MICAL2: variants seen among roughly 807,000 people sequenced by gnomAD.
MICAL2 encodes [F-actin]-monooxygenase MICAL2.
MICAL2 carries 77 observed loss-of-function variants against 127.3 expected under a neutral mutation model. The observed-to-expected ratio is 0.60, with a 90% CI of 0.50 to 0.73. MICAL2 has a LOEUF of 0.73. Among genes scored for constraint, MICAL2 ranks in the 30% least tolerant of loss-of-function variants. The probability of loss-of-function intolerance (pLI) is 0.00; values close to 1 mark genes in which losing one functional copy is unlikely to be tolerated. For missense variants in MICAL2, 1,351 were observed against 1,434.4 expected (o/e 0.94, Z 0.94); for synonymous variants, 570 against 551.1 (o/e 1.03, Z -0.48).
At chr11:12,282,877 T>C (rs1368476209) in intron 2 of MICAL2, among the ~76,000 whole-genome samples, 4 of 152,144 alleles carry the variant, frequency 2.6e-5, no homozygotes, top group African/African-American at 7.2e-5. Flanking sequence ...TGCTGGAAGG[T>C]GAGGGCATGA....
At chr11:12,285,777 G>T (rs113822065) in intron 2 of MICAL2, among the ~76,000 whole-genome samples, 244 of 152,318 alleles carry the variant, frequency 1.6e-3, no homozygotes, top group African/African-American at 5.7e-3. Context: ...GGAATATCTA[G>T]GACTGTTTCT....
chr11:12,167,966 CT>C (rs1284879179), intron 3 of MICAL2, among the ~76,000 whole-genome samples: 11 of 152,082 alleles, frequency 7.2e-5, no homozygotes, highest in Non-Finnish European at 1.6e-4. Flanking sequence ...ACTGAGTTCA[CT>C]TTATAAATAT....
At chr11:12,252,196 C>T (rs1468031282) in intron 22 of MICAL2, among the ~76,000 whole-genome samples, 2 of 152,348 alleles carry the variant, frequency 1.3e-5, no homozygotes, top group Non-Finnish European at 2.9e-5. Context: ...ATCAGGCAAA[C>T]AATGGCTTAT....
At chr11:12,214,896 A>G (rs1361647685) in intron 7 of MICAL2, among the ~76,000 whole-genome samples, 1 of 152,190 alleles carries the variant, frequency 6.6e-6, no homozygotes, top group East Asian at 1.9e-4. Flanking sequence ...TGTTACAGAT[A>G]ACACTGCTTC....
At chr11:12,327,175 C>T (rs1481673519) in exon 32 of MICAL2, 1 of 1,551,678 alleles carries the variant, frequency 6.4e-7, no homozygotes, top group Non-Finnish European at 8.7e-7. Flanking sequence ...TGTTGCAGGC[C>T]ATCCAGAGGC....
Position 12,177,730 on chromosome 11 carries a change from CT to C in MICAL2, c.264+15314del, listed in dbSNP as rs141258179. ...CTGATTAATTTTTAAGAGTCTTATG[CT>C]TTATTTTTCTTTTCTGTAGTACATA... is the stretch of plus-strand genomic sequence containing the variant. On this transcript the variant is annotated intron_variant, in intron 3 of 27. Coordinates refer to ENST00000683283, the MANE Select transcript of MICAL2 (RefSeq NM_001282663.2). Among the ~76,000 whole-genome samples the C allele has an allele frequency of 8.6e-3, 1,303 of 152,202 alleles. 12 individuals are homozygous for C. Among genetic ancestry groups the C allele is most frequent in the Non-Finnish European group, 0.011 (741 of 67,994 alleles).
At chr11:12,208,353 A>C (rs1854993756) in intron 5 of MICAL2, 2 of 484,322 alleles carry the variant, frequency 4.1e-6, no homozygotes, top group Admixed American at 7.1e-5. Context: ...TAAGCCATTA[A>C]ACCTGTAATT....
intron 33 of MICAL2, among the ~76,000 whole-genome samples, chr11:12,352,243 T>C (rs555492798): frequency 4.6e-5 from 7 of 152,344 alleles, no homozygotes; most frequent in African/African-American, 1.4e-4. Flanking sequence ...AAAATTATTT[T>C]AAAAGTGTAA....
At chr11:12,316,544 GTT>G (rs919243690) in intron 29 of MICAL2, among the ~76,000 whole-genome samples, 2 of 151,312 alleles carry the variant, frequency 1.3e-5, no homozygotes, top group African/African-American at 4.9e-5. Context: ...TATTATAATA[GTT>G]TTTTTTGGTG....
chr11:12,195,425 T>C (rs1859766877), intron 3 of MICAL2, among the ~76,000 whole-genome samples: 1 of 152,200 alleles, frequency 6.6e-6, no homozygotes, highest in African/African-American at 2.4e-5. Flanking sequence ...CGGATGTGAA[T>C]AGATACATGC....
At chr11:12,262,054 T>C (rs1260480053) in intron 26 of MICAL2, 26 of 1,069,464 alleles carry the variant, frequency 2.4e-5, no homozygotes, top group Non-Finnish European at 3.0e-5. Flanking sequence ...TTTGAATTAC[T>C]GTGGCGAGAC....
chr11:12,277,448 C>A (rs929615892), intron 1 of MICAL2, among the ~76,000 whole-genome samples: 1 of 152,166 alleles, frequency 6.6e-6, no homozygotes, highest in Non-Finnish European at 1.5e-5. Flanking sequence ...GGAATAATTG[C>A]AACCATCTTT....
At chr11:12,183,003 T>G (rs1272892832) in intron 3 of MICAL2, among the ~76,000 whole-genome samples, 1 of 152,184 alleles carries the variant, frequency 6.6e-6, no homozygotes, top group Non-Finnish European at 1.5e-5. Context: ...ACTGCTTCTC[T>G]ATCTGCTGTT....
At chr11:12,180,970 C>G (rs7130953) in intron 3 of MICAL2, among the ~76,000 whole-genome samples, 85,592 of 129,140 alleles carry the variant, frequency 0.66, 26,489 homozygotes, top group South Asian at 0.75. Flanking sequence ...CTCTTTTGCT[C>G]AGGCTGGAGT....
rs35518829 is a variant in MICAL2, at chr11:12,259,891, C to T, written c.3328C>T (p.Pro1110Ser). The change falls in exon 26 of 28, where the codon CCC becomes TCC. Residue 1110 changes from proline to serine, a missense_variant. By Grantham distance (74) the Pro-to-Ser change is moderately conservative (BLOSUM62 -1). Coordinates refer to ENST00000683283, the MANE Select transcript of MICAL2 (RefSeq NM_001282663.2). ...VAAIGTLEGS[P>S]PVHFSLPVLH... ...CGCCATTGGCACCCTGGAAGGCAGCCCCCCAGGTATCTCCACCTCCTTCTT... is the reference window on the plus strand; with the variant it reads ...CGCCATTGGCACCCTGGAAGGCAGCTCCCCAGGTATCTCCACCTCCTTCTT... The T allele has an allele frequency of 1.1e-3, 1,848 of 1,612,852 alleles. 20 individuals are homozygous for T. In the African/African-American group the frequency reaches 0.021, roughly 18 times the overall value.
intron 25 of MICAL2, 135 bp from the exon 26 acceptor site, chr11:12,259,660 A>C (rs1475855385): frequency 4.0e-6 from 3 of 743,566 alleles, no homozygotes; most frequent in Non-Finnish European, 6.1e-6. Context: ...CTTCAGCATG[A>C]GTCGGGGGGC....
rs755445166 is a variant in MICAL2, at chr11:12,222,698, G to A, written c.1404G>A (p.Gly468=). 2.5e-6 allele frequency: 4 copies of A among 1,614,198 alleles called. No individual in the cohort carries two copies. The highest frequency in any genetic ancestry group is 3.4e-6 in the Non-Finnish European group (4 of 1,180,030). The change falls in exon 11 of 28, where the codon GGG becomes GGA. Residue 468 remains glycine (G), a synonymous_variant. Transcript: ENST00000683283. ...KNFEQYTLDP[G]TRYPNLNSHC... ...TTGAGCAGTACACGTTGGACCCAGG[G>A]ACACGGTACCCAAACCTCAACTCAC...
At chr11:12,344,400 T>C (rs1938918447) in intron 32 of MICAL2, among the ~76,000 whole-genome samples, 1 of 151,612 alleles carries the variant, frequency 6.6e-6, no homozygotes, top group South Asian at 2.1e-4. Flanking sequence ...AGGCTAGAGG[T>C]CTTGGAGCAC....
rs531626677 is a variant in MICAL2 at position 12,286,813 on chromosome 11, G to A, written c.255-274G>A. On this transcript the variant is annotated intron_variant, in intron 2 of 2. Coordinates refer to the MICAL2 transcript ENST00000529028. ...TCATTTGAGCCCGAGAGGTCGAGGG[G>A]GCAGTGAGCCATGACCCCACCACTG... is the stretch of plus-strand genomic sequence containing the variant. 7 of 258,206 alleles carry A rather than the reference G, an allele frequency of 2.7e-5. No homozygotes were observed. The South Asian group carries it at 8.6e-4, about 32-fold the overall frequency. The allele number at this position is 258,206 out of a possible 1,614,324, so 16.0% of individuals were successfully genotyped here.
Sources: allele counts gnomAD v4.1 joint callset (sites outside exome capture counted in the v4.1 genomes callset), GRCh38; gene constraint gnomAD v4.1.1; transcripts MANE v1.5; gene names NCBI Gene and HGNC (gene_info 2026-07-23, HGNC 2026-07-21).